The following EXD2 variants were observed in gnomAD, a reference collection of about 807,000 sequenced individuals.
The protein encoded by EXD2 is exonuclease 3'-5' domain-containing protein 2.
Under a neutral mutation model 62.5 loss-of-function variants are expected in EXD2, and 40 were observed. That is an observed-to-expected ratio of 0.64 (90% CI 0.50 to 0.83). The LOEUF (loss-of-function observed/expected upper bound fraction) is 0.83, where lower values mean the gene tolerates loss of function less well. EXD2 is among the 40% of genes least tolerant of loss of function. The pLI, the probability that EXD2 is intolerant of heterozygous loss-of-function variation, is 0.00. For missense variants in EXD2, 671 were observed against 761.8 expected (o/e 0.88, Z 1.40); for synonymous variants, 239 against 291.9 (o/e 0.82, Z 1.85).
At chr14:69,228,567 C>A (rs186803642) in intron 3 of EXD2, among the ~76,000 whole-genome samples, 1 of 152,106 alleles carries the variant, frequency 6.6e-6, no homozygotes, top group East Asian at 1.9e-4. Context: ...GTCGGCTGGT[C>A]GCTGTTTATG....
chr14:69,219,304 CTGTT>C (rs1594757422), intron 3 of EXD2, among the ~76,000 whole-genome samples: 2 of 152,272 alleles, frequency 1.3e-5, no homozygotes, highest in South Asian at 2.1e-4. Flanking sequence ...ATTTGGCTCT[CTGTT>C]TGTCTGTTAT....
Position 69,235,013 on chromosome 14 carries a change from G to C in EXD2, c.1031G>C (p.Gly344Ala). The change falls in exon 6 of 10, where the codon GGG (glycine) becomes GCG (alanine). Residue 344 changes from glycine to alanine, a missense_variant. Transcript: ENST00000685843. Reference protein sequence around the residue: ...DPRKHKRKPLGVGYSARKSPL... With the variant: ...DPRKHKRKPLAVGYSARKSPL... ...AGAAAACATAAAAGAAAGCCTCTGG[G>C]GGTGGGCTATTCTGCCAGGTAACTG... 6.3e-7 allele frequency: 1 copy of C among 1,596,878 alleles called. No homozygotes were observed.
chr14:69,221,922 A>AAAT (rs2043197989), intron 3 of EXD2, among the ~76,000 whole-genome samples: 1 of 148,998 alleles, frequency 6.7e-6, no homozygotes, highest in Non-Finnish European at 1.5e-5. Flanking sequence ...AAAAAAAAAA[A>AAAT]AAAAAAAAAA....
chr14:69,195,303 T>G (rs1411810502), intron 1 of EXD2, among the ~76,000 whole-genome samples: 8 of 151,856 alleles, frequency 5.3e-5, no homozygotes, highest in Non-Finnish European at 1.0e-4. Context: ...GCTCGAGTGA[T>G]CCTCCTGCCT....
intron 3 of EXD2, among the ~76,000 whole-genome samples, chr14:69,212,247 G>A (rs2042828970): frequency 1.3e-5 from 2 of 151,954 alleles, no homozygotes; most frequent in South Asian, 2.1e-4. Flanking sequence ...CGTGGTAGCA[G>A]GCGCCTGTAA....
intron 2 of EXD2, among the ~76,000 whole-genome samples, chr14:69,205,314 G>A (rs940030044): frequency 6.6e-6 from 1 of 152,050 alleles, no homozygotes; most frequent in Non-Finnish European, 1.5e-5. Flanking sequence ...GCCTCCCAAA[G>A]CGTTGAGATT....
rs531101570 is a variant in EXD2, at chr14:69,230,036, C to T, written c.591-436C>T. On this transcript the variant is annotated intron_variant, in intron 4 of 9. Coordinates refer to ENST00000685843, the MANE Select transcript of EXD2 (RefSeq NM_001193360.2). ...ATGGAGTATAACAGTAAAAGCCCCC[C>T]TTCATCAGGCCCTCCTTTCTTTGGC... Among the ~76,000 whole-genome samples, 3 of 152,268 alleles carry T rather than the reference C, an allele frequency of 2.0e-5. No individual in the cohort carries two copies. The East Asian group carries it at 5.8e-4, about 29-fold the overall frequency.
In EXD2 at chr14:69,234,946, A is replaced by G. The variant is rs773959450; in HGVS notation, c.964A>G (p.Met322Val). Residue 322 changes from methionine (M) to valine (V), a missense_variant, in exon 6 of 10, where the codon ATG becomes GTG. By Grantham distance (21) the Met-to-Val change is conservative. Coordinates refer to ENST00000685843, the MANE Select transcript of EXD2 (RefSeq NM_001193360.2). ...GAAGCCAAGAAATAAGAAGTCTAAG[A>G]TGGATGGGATGGTGCCAGGCAACCA... ...QQKPRNKKSK[M>V]DGMVPGNHQG... is the part of the protein sequence containing the mutation. 6.8e-6 allele frequency: 11 copies of G among 1,613,738 alleles called. No homozygotes were observed. The highest frequency in any genetic ancestry group is 9.3e-6 in the Non-Finnish European group (11 of 1,179,892).
chr14:69,229,719 G>T (rs1291801144), intron 4 of EXD2, among the ~76,000 whole-genome samples: 2 of 152,048 alleles, frequency 1.3e-5, no homozygotes, highest in Admixed American at 6.6e-5. Context: ...TTTTTGGGGC[G>T]GGGAGTCGTA....
At position 69,241,482 on chromosome 14, in the gene EXD2, C is replaced by CT. The variant is rs1218932470; in HGVS notation, c.*383dup. 3.9e-6 allele frequency: 1 copy of CT among 258,462 alleles called. No individual in the cohort carries two copies. Among genetic ancestry groups the CT allele is most frequent in the African/African-American group, 2.2e-5 (1 of 45,418 alleles). The allele number at this position is 258,462 out of a possible 1,614,324, so 16.0% of individuals were successfully genotyped here. On this transcript the variant is annotated 3_prime_UTR_variant, in exon 10 of 10. Transcript: ENST00000685843. Reference sequence around the variant, plus strand: ...CCTTGTCTAGTGCCTCGGTTTATCTCTAACAGGGGCTGTCCAGTATATCGG... The same window carrying CT: ...CCTTGTCTAGTGCCTCGGTTTATCTCTTAACAGGGGCTGTCCAGTATATCGG...
At chr14:69,206,633 A>G (rs769506238) in intron 2 of EXD2, among the ~76,000 whole-genome samples, 3 of 151,596 alleles carry the variant, frequency 2.0e-5, no homozygotes, top group Non-Finnish European at 4.4e-5. Flanking sequence ...GGCATGTGCC[A>G]CCACGCCCAG....
intron 5 of EXD2, among the ~76,000 whole-genome samples, chr14:69,233,269 C>T (rs1375331486): frequency 6.6e-6 from 1 of 152,032 alleles, no homozygotes; most frequent in Non-Finnish European, 1.5e-5. Flanking sequence ...TTGTTTTACT[C>T]TAAAAGTATA....
intron 3 of EXD2, among the ~76,000 whole-genome samples, chr14:69,225,016 C>T (rs1008853698): frequency 6.6e-6 from 1 of 152,160 alleles, no homozygotes; most frequent in African/African-American, 2.4e-5. Context: ...TACCTACATG[C>T]TCTTAAGGTC....
chr14:69,236,634 T>TA lies in EXD2; in HGVS notation c.1292+92_1292+93insA, dbSNP rs2043801175. ...AGAGCCTTTGGGGGCTGTGGCTGAG[T>TA]CTGTCCACTTTGGCTGAGAGGCTTG... is the stretch of plus-strand genomic sequence containing the variant. On this transcript the variant is annotated intron_variant, in intron 8 of 9. Transcript: ENST00000685843. 2.6e-6 allele frequency: 4 copies of TA among 1,539,954 alleles called. No homozygotes were observed. The East Asian group carries it at 9.0e-5, about 35-fold the overall frequency.
At chr14:69,225,973 ATT>A (rs1428987634) in intron 3 of EXD2, among the ~76,000 whole-genome samples, 8 of 152,328 alleles carry the variant, frequency 5.3e-5, no homozygotes, top group African/African-American at 1.9e-4. Flanking sequence ...CTATCTGTCT[ATT>A]TATCTAGTTA....
chr14:69,204,141 G>A (rs989840671), intron 2 of EXD2, 141 bp downstream of exon 2: 1 of 152,190 alleles, frequency 6.6e-6, no homozygotes, highest in African/African-American at 2.4e-5. Context: ...ATGATTCTGT[G>A]TTTTGTCAAG....
At chr14:69,211,633 T>C (rs1172392398) in intron 3 of EXD2, among the ~76,000 whole-genome samples, 1 of 151,952 alleles carries the variant, frequency 6.6e-6, no homozygotes, top group African/African-American at 2.4e-5. Flanking sequence ...CCTTGGGCCA[T>C]CAAGAAAGGA....
chr14:69,240,979 G>T lies in EXD2; in HGVS notation c.1745G>T (p.Trp582Leu). The T allele has an allele frequency of 6.2e-7, 1 of 1,613,354 alleles. No homozygotes were observed. The highest frequency in any genetic ancestry group is 8.5e-7 in the Non-Finnish European group (1 of 1,180,036). Residue 582 changes from tryptophan (W) to leucine (L), a missense_variant, in exon 10 of 10, where the codon TGG (tryptophan) becomes TTG (leucine). Coordinates refer to ENST00000685843, the MANE Select transcript of EXD2 (RefSeq NM_001193360.2). ...LRSLMQLESR[W>L]RQHFLDSMQP... Reference sequence around the variant, plus strand: ...TCCCTCATGCAGCTGGAGAGCCGCTGGCGTCAGCACTTCCTGGACTCCATG... The same window carrying T: ...TCCCTCATGCAGCTGGAGAGCCGCTTGCGTCAGCACTTCCTGGACTCCATG...
rs56333403 is a variant in EXD2 at position 69,206,455 on chromosome 14, C to CTTTT, written c.-48+2483_-48+2486dup. Among the ~76,000 whole-genome samples the CTTTT allele has an allele frequency of 4.3e-4, 41 of 94,638 alleles. 3 individuals are homozygous for CTTTT. Among genetic ancestry groups the CTTTT allele is most frequent in the African/African-American group, 1.4e-3 (32 of 22,176 alleles). 62.1% of individuals were successfully genotyped at this position (94,638 alleles called of 152,430 possible). On this transcript the variant is annotated intron_variant, in intron 2 of 9. Coordinates refer to ENST00000685843, the MANE Select transcript of EXD2 (RefSeq NM_001193360.2). ...CCCAGCTTCATCTCCCACCCACCCA[C>CTTTT]TTTTTTTTTTTTTTTTTTTTTTTTT...
Sources: allele counts gnomAD v4.1 joint callset (sites outside exome capture counted in the v4.1 genomes callset), GRCh38; gene constraint gnomAD v4.1.1; transcripts MANE v1.5; gene names NCBI Gene and HGNC (gene_info 2026-07-23, HGNC 2026-07-21).